The following THSD4 variants were observed in gnomAD, a reference collection of about 807,000 sequenced individuals.
THSD4 encodes the protein thrombospondin type 1 domain containing 4, also known as thrombospondin type-1 domain-containing protein 4.
In THSD4, 69 loss-of-function variants were observed where a neutral mutation model predicts 119.0. The observed-to-expected ratio is 0.58, with a 90% CI of 0.48 to 0.71. The LOEUF is 0.71. Among genes scored for constraint, THSD4 ranks in the 30% least tolerant of loss-of-function variants. The pLI, the probability that THSD4 is intolerant of heterozygous loss-of-function variation, is 0.00. For missense variants in THSD4, 1,393 were observed against 1,391.1 expected, an observed-to-expected ratio of 1.00 and a Z score of -0.02; for synonymous variants, 524 against 540.4, an observed-to-expected ratio of 0.97 and a Z score of 0.42.
intron 7 of THSD4, among the ~76,000 whole-genome samples, chr15:71,621,776 TG>T (rs2050422776): frequency 6.6e-6 from 1 of 152,252 alleles, no homozygotes; most frequent in South Asian, 2.1e-4. Context: ...AATATTCACT[TG>T]TGCTCTAGAT....
intron 7 of THSD4, among the ~76,000 whole-genome samples, chr15:71,608,257 C>T (rs1330253458): frequency 1.3e-3 from 161 of 124,082 alleles, no homozygotes; most frequent in African/African-American, 3.5e-3. Flanking sequence ...TATACACACA[C>T]ACACACACAC....
At chr15:71,585,213 C>G (rs62022801) in intron 7 of THSD4, among the ~76,000 whole-genome samples, 3 of 151,912 alleles carry the variant, frequency 2.0e-5, no homozygotes, top group African/African-American at 7.3e-5. Flanking sequence ...ATTGCTAATT[C>G]GTGTCTTTTT....
Position 71,294,116 on chromosome 15 carries a change from A to G in THSD4, c.1015+37401A>G, listed in dbSNP as rs185732494. ...ATCTTCTGCTGCTGCTTGGAGTTAC[A>G]TTTTCAGCAAGTCTGTAACACCTCT... is the stretch of plus-strand genomic sequence containing the variant. On this transcript the variant is annotated intron_variant, in intron 6 of 17. Transcript: ENST00000261862. 7.6e-4 allele frequency among the ~76,000 whole-genome samples: 116 copies of G among 152,114 alleles called. 1 individual carries two copies. The Middle Eastern group carries it at 0.014, about 18-fold the overall frequency.
At chr15:71,566,126 T>C (rs2049231777) in intron 7 of THSD4, among the ~76,000 whole-genome samples, 1 of 147,346 alleles carries the variant, frequency 6.8e-6, no homozygotes, top group Non-Finnish European at 1.5e-5. Context: ...CCATTTCTTT[T>C]CTTTCTTTCT....
intron 5 of THSD4, among the ~76,000 whole-genome samples, chr15:71,248,736 G>A (rs1033437861): frequency 6.6e-6 from 1 of 152,164 alleles, no homozygotes; most frequent in Non-Finnish European, 1.5e-5. Context: ...GATGTTGGCC[G>A]AATCTCAAAT....
chr15:71,226,540 G>T (rs749748259), intron 4 of THSD4, among the ~76,000 whole-genome samples: 1 of 152,178 alleles, frequency 6.6e-6, no homozygotes, highest in Non-Finnish European at 1.5e-5. Context: ...TGTTTTTTCA[G>T]CTCCTCCTTT....
At chr15:71,676,901 G>T (rs1019543725) in intron 8 of THSD4, among the ~76,000 whole-genome samples, 1 of 152,106 alleles carries the variant, frequency 6.6e-6, no homozygotes, top group African/African-American at 2.4e-5. Context: ...TGAATAATGC[G>T]CTATGAACAT....
At chr15:71,440,061 T>C (rs1183108722) in intron 7 of THSD4, among the ~76,000 whole-genome samples, 1 of 152,158 alleles carries the variant, frequency 6.6e-6, no homozygotes, top group Admixed American at 6.5e-5. Flanking sequence ...AACCAAATCT[T>C]GAGTGCTGCC....
intron 15 of THSD4, among the ~76,000 whole-genome samples, chr15:71,763,949 C>A (rs948903364): frequency 6.6e-6 from 1 of 152,046 alleles, no homozygotes; most frequent in Non-Finnish European, 1.5e-5. Flanking sequence ...GCCTGTAATT[C>A]CCAGCTACTC....
intron 6 of THSD4, among the ~76,000 whole-genome samples, chr15:71,262,989 A>T (rs1412556287): frequency 1.3e-5 from 2 of 151,514 alleles, no homozygotes; most frequent in South Asian, 2.1e-4. Flanking sequence ...TCAGCGGTAC[A>T]TGTGCAGGAT....
chr15:71,681,074 T>A (rs2051766090), intron 8 of THSD4, among the ~76,000 whole-genome samples: 1 of 151,908 alleles, frequency 6.6e-6, no homozygotes, highest in Non-Finnish European at 1.5e-5. Flanking sequence ...TGTGCCACCA[T>A]GCCCAGTTAA....
intron 7 of THSD4, among the ~76,000 whole-genome samples, chr15:71,615,592 TA>T (rs2050306503): frequency 6.6e-6 from 1 of 152,166 alleles, no homozygotes; most frequent in African/African-American, 2.4e-5. Flanking sequence ...TCCTTTAGAA[TA>T]AGTAGGTACA....
intron 1 of THSD4, among the ~76,000 whole-genome samples, chr15:71,134,387 C>A (rs771127134): frequency 6.6e-6 from 1 of 152,234 alleles, no homozygotes; most frequent in Non-Finnish European, 1.5e-5. Context: ...ACAGAGGCAG[C>A]GTGCATCTGC....
At chr15:71,771,255 C>T (rs2140245638) in intron 17 of THSD4, 47 bp downstream of exon 17, 3 of 1,606,098 alleles carry the variant, frequency 1.9e-6, no homozygotes, top group East Asian at 2.2e-5. Context: ...GTTTTTTAAG[C>T]TTGTCAGATT....
At chr15:71,449,968 T>G (rs951637104) in intron 7 of THSD4, among the ~76,000 whole-genome samples, 1 of 152,204 alleles carries the variant, frequency 6.6e-6, no homozygotes, top group African/African-American at 2.4e-5. Flanking sequence ...ACTTCCCATA[T>G]TAAGGTCCTA....
intron 8 of THSD4, among the ~76,000 whole-genome samples, chr15:71,713,212 G>T (rs1392877478): frequency 1.8e-4 from 27 of 152,144 alleles, no homozygotes; most frequent in Non-Finnish European, 4.0e-4. Flanking sequence ...CTCCCATTGG[G>T]CAGGACAGCT....
intron 7 of THSD4, among the ~76,000 whole-genome samples, chr15:71,482,856 G>A (rs2047754392): frequency 6.6e-6 from 1 of 152,104 alleles, no homozygotes; most frequent in Admixed American, 6.5e-5. Context: ...CAGAGTGCTG[G>A]GATTACAGGC....
chr15:71,194,840 T>C (rs923449371), intron 3 of THSD4, among the ~76,000 whole-genome samples: 4 of 152,184 alleles, frequency 2.6e-5, no homozygotes, highest in Admixed American at 2.6e-4. Flanking sequence ...TGCAGAGGAA[T>C]GAAAACTACA....
chr15:71,614,881 C>T (rs11631723), intron 7 of THSD4, among the ~76,000 whole-genome samples: 2 of 152,110 alleles, frequency 1.3e-5, no homozygotes, highest in African/African-American at 4.8e-5. Context: ...CTAGTATAAG[C>T]AAACATCCCA....
Sources: gnomAD v4.1 joint callset for allele counts (sites outside exome capture counted in the v4.1 genomes callset) on GRCh38, gnomAD v4.1.1 for gene constraint, MANE v1.5 for transcripts, NCBI Gene and HGNC (gene_info 2026-07-23, HGNC 2026-07-21) for gene names.